LINGO2: variants seen among roughly 807,000 people sequenced by gnomAD.
The protein encoded by LINGO2 is leucine rich repeat and Ig domain containing 2.
A neutral mutation model predicts 30.6 loss-of-function variants in LINGO2; 14 were observed. That is an observed-to-expected ratio of 0.46 (90% CI 0.30 to 0.72). LINGO2 has a LOEUF of 0.72. LINGO2 is among the 30% of genes least tolerant of loss of function. The pLI is 0.07. For synonymous variants in LINGO2, 317 were observed against 288.5 expected (o/e 1.10, Z -1.00); for missense variants, 729 against 751.7 (o/e 0.97, Z 0.35).
At chr9:28,672,509 G>A (rs1829061882), upstream of LINGO2, among the ~76,000 whole-genome samples, 3 of 151,994 alleles carry the variant, frequency 2.0e-5, no homozygotes, top group Admixed American at 2.0e-4. Context: ...TGCCACCATT[G>A]GCTTACATAT....
the LINGO2 span, among the ~76,000 whole-genome samples, chr9:28,915,969 G>A: frequency 6.6e-6 from 1 of 152,088 alleles, no homozygotes; most frequent in Non-Finnish European, 1.5e-5. Context: ...TAAAAATAAA[G>A]TTCTAAGCCT....
At chr9:29,119,128 G>A in the LINGO2 span, among the ~76,000 whole-genome samples, 1 of 152,008 alleles carries the variant, frequency 6.6e-6, no homozygotes, top group African/African-American at 2.4e-5. Flanking sequence ...TCCTGCCCAT[G>A]CGATGGCCAG....
At chr9:28,995,784 A>G in the LINGO2 span, among the ~76,000 whole-genome samples, 10 of 150,378 alleles carry the variant, frequency 6.6e-5, no homozygotes, top group African/African-American at 2.4e-4. Context: ...AAAACCAAAC[A>G]CCGCATGTTC....
intron 4 of LINGO2, among the ~76,000 whole-genome samples, chr9:28,143,813 A>G (rs1244096656): frequency 6.6e-6 from 1 of 152,182 alleles, no homozygotes; most frequent in Non-Finnish European, 1.5e-5. Flanking sequence ...GCTCATAAAA[A>G]AGGAAACCAA....
At chr9:29,075,199 C>T in the LINGO2 span, among the ~76,000 whole-genome samples, 2 of 152,096 alleles carry the variant, frequency 1.3e-5, no homozygotes, top group Non-Finnish European at 2.9e-5. Flanking sequence ...AATTTAACAA[C>T]ATTAATAAAT....
At chr9:28,586,582 T>G (rs1824552642) in intron 1 of LINGO2, among the ~76,000 whole-genome samples, 1 of 152,038 alleles carries the variant, frequency 6.6e-6, no homozygotes, top group South Asian at 2.1e-4. Context: ...TTCTCAATAT[T>G]TTCTGTTTCT....
chr9:29,014,958 T>C, the LINGO2 span, among the ~76,000 whole-genome samples: 1 of 152,212 alleles, frequency 6.6e-6, no homozygotes, highest in Admixed American at 6.5e-5. Flanking sequence ...ATATCTTCCA[T>C]TGGCTCTTCT....
chr9:28,815,221 G>T, the LINGO2 span, among the ~76,000 whole-genome samples: 2 of 152,166 alleles, frequency 1.3e-5, no homozygotes, highest in African/African-American at 4.8e-5. Context: ...GTAAGTGATA[G>T]GTGAGCGAAA....
chr9:29,171,447 T>G, the LINGO2 span, among the ~76,000 whole-genome samples: 1 of 152,074 alleles, frequency 6.6e-6, no homozygotes, highest in African/African-American at 2.4e-5. Context: ...TTTATTTTTC[T>G]TTGTTTGGGC....
chr9:28,487,377 G>A (rs1368181261), intron 1 of LINGO2, among the ~76,000 whole-genome samples: 14 of 152,148 alleles, frequency 9.2e-5, no homozygotes, highest in Admixed American at 9.2e-4. Flanking sequence ...TTTAGCATAA[G>A]CCAATCCTAC....
intron 4 of LINGO2, among the ~76,000 whole-genome samples, chr9:28,160,149 A>G (rs1828245160): frequency 6.6e-6 from 1 of 152,186 alleles, no homozygotes; most frequent in Non-Finnish European, 1.5e-5. Context: ...AGGTTAATAT[A>G]GGCATTGTCT....
At chr9:28,138,956 C>T (rs189656274) in intron 4 of LINGO2, among the ~76,000 whole-genome samples, 2 of 152,272 alleles carry the variant, frequency 1.3e-5, no homozygotes, top group African/African-American at 4.8e-5. Flanking sequence ...TTATTTCTCG[C>T]TAATGGTCAG....
intron 4 of LINGO2, among the ~76,000 whole-genome samples, chr9:28,100,964 G>A (rs1484683125): frequency 6.6e-6 from 1 of 152,114 alleles, no homozygotes; most frequent in African/African-American, 2.4e-5. Context: ...ATGAGTAAAT[G>A]AAGATACACA....
Position 28,109,302 on chromosome 9 carries a change from A to G in LINGO2, c.-86-96897T>C, listed in dbSNP as rs7861979. ...ACAGACAATATCATACTGACTGGAC[A>G]AAAGCTGGAAGCATTCCCTTTGAAA... On this transcript the variant is annotated intron_variant, in intron 4 of 5. Coordinates refer to ENST00000379992, the Ensembl canonical transcript of LINGO2. Among the ~76,000 whole-genome samples the G allele has an allele frequency of 9.5e-4, 145 of 152,322 alleles. 1 individual carries two copies. The highest frequency in any genetic ancestry group is 3.2e-3 in the African/African-American group (134 of 41,568).
At chr9:28,384,262 C>T (rs1821480523) in intron 2 of LINGO2, among the ~76,000 whole-genome samples, 1 of 149,938 alleles carries the variant, frequency 6.7e-6, no homozygotes, top group Admixed American at 6.7e-5. Context: ...CCCCCTCAAT[C>T]CATCACCTCA....
At chr9:28,863,538 G>A in the LINGO2 span, 1 of 464,080 alleles carries the variant, frequency 2.2e-6, no homozygotes. Flanking sequence ...TTGACTTTGT[G>A]TGTCTTGTAA....
At chr9:29,150,126 A>G in the LINGO2 span, among the ~76,000 whole-genome samples, 5 of 152,190 alleles carry the variant, frequency 3.3e-5, no homozygotes, top group African/African-American at 1.2e-4. Flanking sequence ...CCTAAGCACA[A>G]TTTACAGGAT....
At chr9:28,736,609 G>C in the LINGO2 span, among the ~76,000 whole-genome samples, 1 of 151,948 alleles carries the variant, frequency 6.6e-6, no homozygotes, top group African/African-American at 2.4e-5. Flanking sequence ...TGGTCAATAT[G>C]GCGAAACCCC....
intron 4 of LINGO2, among the ~76,000 whole-genome samples, chr9:28,088,898 A>C (rs553967188): frequency 2.2e-4 from 33 of 152,284 alleles, no homozygotes; most frequent in Non-Finnish European, 2.9e-5. Flanking sequence ...AAACAAAAAA[A>C]GGAAGGGGTT....
Sources: gnomAD v4.1 joint callset for allele counts (sites outside exome capture counted in the v4.1 genomes callset) on GRCh38, gnomAD v4.1.1 for gene constraint, MANE v1.5 for transcripts, NCBI Gene and HGNC (gene_info 2026-07-23, HGNC 2026-07-21) for gene names.